ANK2: variants seen among roughly 807,000 people sequenced by gnomAD.
The protein encoded by ANK2 is ankyrin 2.
In ANK2, 83 loss-of-function variants were observed where a neutral mutation model predicts 360.5. The ratio of observed to expected loss-of-function variants is 0.23; its 90% CI spans 0.19 to 0.28. ANK2 has a LOEUF of 0.28. Among genes scored for constraint, ANK2 ranks in the 10% least tolerant of loss-of-function variants. The pLI, the probability that ANK2 is intolerant of heterozygous loss-of-function variation, is 1.00. For synonymous variants in ANK2, 1,740 were observed against 1,759.5 expected (o/e 0.99, Z 0.28); for missense variants, 4,201 against 4,795.7 (o/e 0.88, Z 3.66).
the ANK2 span, among the ~76,000 whole-genome samples, chr4:112,748,907 A>G: frequency 6.6e-6 from 1 of 152,030 alleles, no homozygotes; most frequent in Non-Finnish European, 1.5e-5. Context: ...TTATTTATTT[A>G]TTTATTTTGT....
intron 2 of ANK2, among the ~76,000 whole-genome samples, chr4:113,192,554 A>G (rs1186455384): frequency 6.6e-6 from 1 of 152,188 alleles, no homozygotes; most frequent in African/African-American, 2.4e-5. Context: ...ATTATTTTAA[A>G]TAAAAAAGCA....
chr4:112,927,886 T>A (rs12503758), intron 2 of ANK2, among the ~76,000 whole-genome samples: 59,795 of 152,108 alleles, frequency 0.39, 16,691 homozygotes, highest in African/African-American at 0.79. Context: ...CTAGACCAAT[T>A]AACTTTCTCA....
intron 1 of ANK2, among the ~76,000 whole-genome samples, chr4:113,149,685 G>A (rs1286688569): frequency 6.6e-6 from 1 of 151,460 alleles, no homozygotes; most frequent in Non-Finnish European, 1.5e-5. Context: ...AATAAGTCTG[G>A]GCATCATGGC....
At chr4:112,760,065 T>G in the ANK2 span, among the ~76,000 whole-genome samples, 2 of 152,206 alleles carry the variant, frequency 1.3e-5, no homozygotes, top group African/African-American at 4.8e-5. Context: ...GCTCCTTGAC[T>G]ACTACTTTCA....
At chr4:113,151,456 T>C (rs185272293) in intron 1 of ANK2, among the ~76,000 whole-genome samples, 1 of 152,222 alleles carries the variant, frequency 6.6e-6, no homozygotes, top group African/African-American at 2.4e-5. Context: ...TGCCAGGCTC[T>C]TGTTAATGAT....
intron 1 of ANK2, among the ~76,000 whole-genome samples, chr4:112,863,160 TTTTAA>T (rs1349814854): frequency 9.9e-5 from 15 of 152,280 alleles, no homozygotes; most frequent in African/African-American, 2.9e-4. Flanking sequence ...TTCTAAGATA[TTTTAA>T]TTTAAGTTAT....
chr4:113,381,327 GC>G, intron 45 of ANK2, 129 bp from the exon 46 acceptor site: 1 of 948,370 alleles, frequency 1.1e-6, no homozygotes, highest in Non-Finnish European at 1.7e-6. Flanking sequence ...AGTTTGTTAT[GC>G]TAATAGTTTG....
At chr4:112,810,121 TTGTG>T in the ANK2 span, among the ~76,000 whole-genome samples, 1 of 62,168 alleles carries the variant, frequency 1.6e-5, no homozygotes, top group South Asian at 6.7e-4. Flanking sequence ...TTTTAATTTT[TTGTG>T]TATATATATA....
chr4:112,788,925 A>G, the ANK2 span: 4 of 628,892 alleles, frequency 6.4e-6, no homozygotes, highest in Non-Finnish European at 5.6e-6. Flanking sequence ...AATATTATAT[A>G]CTTCATCATC....
intron 1 of ANK2, among the ~76,000 whole-genome samples, chr4:112,848,360 C>T (rs901062160): frequency 9.2e-5 from 14 of 152,190 alleles, no homozygotes; most frequent in Non-Finnish European, 1.9e-4. Flanking sequence ...CAGGGTTTCA[C>T]CACATTGGCT....
intron 2 of ANK2, among the ~76,000 whole-genome samples, chr4:112,937,162 A>G (rs2093812118): frequency 1.3e-5 from 2 of 152,162 alleles, no homozygotes; most frequent in East Asian, 1.9e-4. Flanking sequence ...CTGAAAGCTT[A>G]CAAGTATCCT....
In ANK2 at chr4:113,264,934, G is replaced by A; in HGVS notation, c.1424G>A (p.Gly475Glu). ...ETALHMAARA[G>E]QVEVVRCLLR... ...GCACTACACATGGCAGCCCGAGCCGGGCAGGTGGAAGTGGTCCGATGCCTC... is the reference window on the plus strand; with the variant it reads ...GCACTACACATGGCAGCCCGAGCCGAGCAGGTGGAAGTGGTCCGATGCCTC... The change falls in exon 14 of 46, where the codon GGG becomes GAG. Residue 475 changes from glycine (G) to glutamate (E), a missense_variant. Around this residue, in one of 4 missense-constraint regions of ANK2, gnomAD observed 1,268 missense variants for 1,650.8 expected, o/e 0.77. Coordinates refer to ENST00000357077, the MANE Select transcript of ANK2 (RefSeq NM_001148.6). 6.4e-7 allele frequency: 1 copy of A among 1,569,078 alleles called. No homozygotes were observed. The highest frequency in any genetic ancestry group is 8.7e-7 in the Non-Finnish European group (1 of 1,155,972).
intron 41 of ANK2, among the ~76,000 whole-genome samples, chr4:113,366,823 G>A (rs2096555423): frequency 6.6e-6 from 1 of 152,138 alleles, no homozygotes; most frequent in Non-Finnish European, 1.5e-5. Flanking sequence ...CTGCAGAAAT[G>A]CAAGTTCAGT....
intron 2 of ANK2, among the ~76,000 whole-genome samples, chr4:112,923,594 T>A (rs2092007939): frequency 6.6e-6 from 1 of 152,082 alleles, no homozygotes; most frequent in Non-Finnish European, 1.5e-5. Context: ...AAGCAAAAAA[T>A]TCATGACTGC....
intron 1 of ANK2, among the ~76,000 whole-genome samples, chr4:112,892,778 C>A (rs2080462022): frequency 6.6e-6 from 1 of 152,062 alleles, no homozygotes; most frequent in African/African-American, 2.4e-5. Context: ...CATAATTGTT[C>A]TTTTTGTTCT....
the ANK2 span, among the ~76,000 whole-genome samples, chr4:112,753,997 C>T: frequency 2.0e-5 from 3 of 151,222 alleles, no homozygotes; most frequent in Non-Finnish European, 4.4e-5. Flanking sequence ...ACTTGGGAGG[C>T]TGAGGCACGA....
At chr4:112,870,886 C>G (rs1266646377) in intron 1 of ANK2, among the ~76,000 whole-genome samples, 1 of 152,144 alleles carries the variant, frequency 6.6e-6, no homozygotes, top group Non-Finnish European at 1.5e-5. Context: ...GTAGTATTGC[C>G]AATACAATAT....
chr4:113,069,228 T>A, intron 1 of ANK2, among the ~76,000 whole-genome samples: 1 of 152,040 alleles, frequency 6.6e-6, no homozygotes, highest in South Asian at 2.1e-4. Flanking sequence ...ACGCACAAGG[T>A]CAGAGAGAAA....
chr4:113,125,892 G>A (rs1165854310), intron 1 of ANK2, among the ~76,000 whole-genome samples: 1 of 152,074 alleles, frequency 6.6e-6, no homozygotes, highest in Non-Finnish European at 1.5e-5. Flanking sequence ...GTCTATTTTT[G>A]TTTATATGAC....
Sources: allele counts gnomAD v4.1 joint callset (sites outside exome capture counted in the v4.1 genomes callset), GRCh38; gene constraint gnomAD v4.1.1; regional missense constraint gnomAD v4.1.1; transcripts MANE v1.5; gene names NCBI Gene and HGNC (gene_info 2026-07-23, HGNC 2026-07-21).